Variants in OLA1 observed in about 807,000 individuals in gnomAD.
OLA1 encodes the protein Obg like ATPase 1, also known as obg-like ATPase 1.
OLA1 carries 14 observed loss-of-function variants against 48.4 expected under a neutral mutation model. The observed-to-expected ratio is 0.29, with a 90% CI of 0.19 to 0.45. OLA1 has a LOEUF of 0.45. OLA1 is among the 20% of genes least tolerant of loss of function. The pLI is 1.00. For missense variants in OLA1, 325 were observed against 467.1 expected (o/e 0.70, Z 2.80); for synonymous variants, 127 against 150.4 (o/e 0.84, Z 1.14).
intron 7 of OLA1, among the ~76,000 whole-genome samples, chr2:174,115,087 G>GA (rs925197757): frequency 2.4e-4 from 36 of 149,782 alleles, no homozygotes; most frequent in South Asian, 1.1e-3. Flanking sequence ...CCCTGTCTCT[G>GA]AAAAAAAAAG....
chr2:174,184,498 G>A (rs551282132), intron 4 of OLA1, among the ~76,000 whole-genome samples: 1 of 152,256 alleles, frequency 6.6e-6, no homozygotes, highest in Admixed American at 6.5e-5. Flanking sequence ...GAAACTATCA[G>A]GAGAACAGAG....
chr2:174,187,139 ACT>A (rs965454202), intron 4 of OLA1, among the ~76,000 whole-genome samples: 73 of 152,248 alleles, frequency 4.8e-4, no homozygotes, highest in African/African-American at 1.7e-3. Context: ...AATTTAAGAC[ACT>A]CTATTCAATT....
intron 4 of OLA1, among the ~76,000 whole-genome samples, chr2:174,150,774 G>C (rs1686726587): frequency 6.6e-6 from 1 of 152,156 alleles, no homozygotes; most frequent in South Asian, 2.1e-4. Flanking sequence ...AAAGGATCTT[G>C]ATCTCAGTAA....
chr2:174,238,494 CAAAAAA>C (rs34395720), intron 2 of OLA1, among the ~76,000 whole-genome samples: 2 of 106,678 alleles, frequency 1.9e-5, no homozygotes, highest in Non-Finnish European at 1.9e-5. Context: ...ACTCTATGTC[CAAAAAA>C]AAAAAAAAAA....
chr2:174,163,711 AATATATATATATATATATATATATAT>A (rs58320338), intron 4 of OLA1, among the ~76,000 whole-genome samples: 1,032 of 34,316 alleles, frequency 0.03, 41 homozygotes, highest in Non-Finnish European at 0.04. Flanking sequence ...TAAATAAATA[AATATATATATATATATATATATATAT>A]ATATATATAT....
chr2:174,239,181 A>G (rs1382608932), intron 2 of OLA1, among the ~76,000 whole-genome samples: 1 of 152,232 alleles, frequency 6.6e-6, no homozygotes, highest in Non-Finnish European at 1.5e-5. Context: ...TAACTGTTTC[A>G]GTAAGAATCA....
chr2:174,196,637 G>T (rs1261552557), intron 4 of OLA1, among the ~76,000 whole-genome samples: 1 of 152,160 alleles, frequency 6.6e-6, no homozygotes, highest in Non-Finnish European at 1.5e-5. Flanking sequence ...TTCTTGCAAA[G>T]CAAGTACCAC....
At chr2:174,147,634 C>G (rs1294156683) in intron 4 of OLA1, among the ~76,000 whole-genome samples, 1 of 152,166 alleles carries the variant, frequency 6.6e-6, no homozygotes, top group African/African-American at 2.4e-5. Flanking sequence ...AGCACATACA[C>G]TACATGATCA....
chr2:174,184,313 A>G, intron 4 of OLA1, among the ~76,000 whole-genome samples: 1 of 152,218 alleles, frequency 6.6e-6, no homozygotes, highest in Admixed American at 6.5e-5. Context: ...TGTAGTTATC[A>G]TGTACTCCAG....
intron 7 of OLA1, among the ~76,000 whole-genome samples, chr2:174,090,394 T>C (rs1276722260): frequency 2.0e-5 from 3 of 152,168 alleles, no homozygotes; most frequent in African/African-American, 4.8e-5. Flanking sequence ...TTACAATGAA[T>C]GAATAAACAG....
intron 7 of OLA1, among the ~76,000 whole-genome samples, chr2:174,105,663 G>A (rs1348701308): frequency 6.6e-6 from 1 of 151,956 alleles, no homozygotes; most frequent in East Asian, 1.9e-4. Context: ...CTAATGAACA[G>A]CAGTACTTAC....
intron 1 of OLA1, chr2:174,247,570 A>C: frequency 6.6e-7 from 1 of 1,507,840 alleles, no homozygotes; most frequent in East Asian, 2.5e-5. Context: ...AACCACCAGC[A>C]GCCAAGTCAC....
At position 174,143,008 on chromosome 2, in the gene OLA1, T is replaced by C. The variant is rs986142698; in HGVS notation, c.374-1008A>G. On this transcript the variant is annotated intron_variant, in intron 4 of 10. Transcript: ENST00000284719. ...TATCAAAAAAATCATGAGAGTTTGA[T>C]TGAGTTTGGTAAGAGAAACAGTGAA... Among the ~76,000 whole-genome samples the C allele has an allele frequency of 1.4e-4, 22 of 152,298 alleles. 1 individual carries two copies. The highest frequency in any genetic ancestry group is 4.8e-4 in the African/African-American group (20 of 41,580).
chr2:174,211,180 A>AACACACACACACAC (rs10563036), intron 4 of OLA1, among the ~76,000 whole-genome samples: 1 of 148,666 alleles, frequency 6.7e-6, no homozygotes, highest in Non-Finnish European at 1.5e-5. Context: ...TCCTCCCCAC[A>AACACACACACACAC]ACACACACAC....
intron 7 of OLA1, among the ~76,000 whole-genome samples, chr2:174,085,106 T>C (rs891209862): frequency 1.3e-5 from 2 of 152,166 alleles, no homozygotes; most frequent in African/African-American, 4.8e-5. Context: ...AAATGGAAAG[T>C]GGAAATGCCA....
chr2:174,139,625 G>A (rs968899518), intron 5 of OLA1, among the ~76,000 whole-genome samples: 11 of 152,120 alleles, frequency 7.2e-5, no homozygotes, highest in African/African-American at 2.7e-4. Context: ...CCAGCACTTC[G>A]GGAGGCCGAG....
chr2:174,135,336 T>C (rs1317143681), intron 5 of OLA1, among the ~76,000 whole-genome samples: 1 of 152,142 alleles, frequency 6.6e-6, no homozygotes, highest in Non-Finnish European at 1.5e-5. Context: ...TTGTGAGCCA[T>C]GGCCTTTATG....
chr2:174,078,048 T>C (rs530677869), intron 10 of OLA1, among the ~76,000 whole-genome samples: 2 of 152,150 alleles, frequency 1.3e-5, no homozygotes, highest in African/African-American at 4.8e-5. Flanking sequence ...GAACCAATTA[T>C]ACCAAGATTT....
chr2:174,157,255 G>A (rs1264981892), intron 4 of OLA1, among the ~76,000 whole-genome samples: 1 of 152,264 alleles, frequency 6.6e-6, no homozygotes, highest in East Asian at 1.9e-4. Context: ...ATAAGAAAAA[G>A]CGGAACACAA....
Sources: gnomAD v4.1 joint callset for allele counts (sites outside exome capture counted in the v4.1 genomes callset) on GRCh38, gnomAD v4.1.1 for gene constraint, MANE v1.5 for transcripts, NCBI Gene and HGNC (gene_info 2026-07-23, HGNC 2026-07-21) for gene names.